Variants in LINGO2 observed in about 807,000 individuals in gnomAD.
LINGO2 encodes the protein leucine rich repeat and Ig domain containing 2.
Under a neutral mutation model 30.6 loss-of-function variants are expected in LINGO2, and 14 were observed. That is an observed-to-expected ratio of 0.46 (90% confidence interval 0.30 to 0.72). The LOEUF is 0.72. Among genes scored for constraint, LINGO2 ranks in the 30% least tolerant of loss-of-function variants. LINGO2 has a pLI of 0.07. For synonymous variants in LINGO2, 317 were observed against 288.5 expected (o/e 1.10, Z -1.00); for missense variants, 729 against 751.7 (o/e 0.97, Z 0.35).
intron 5 of LINGO2, among the ~76,000 whole-genome samples, chr9:27,972,486 A>T (rs889353752): frequency 4.6e-5 from 7 of 152,204 alleles, no homozygotes; most frequent in African/African-American, 1.7e-4. Context: ...CAACAACCTC[A>T]GTCCGTCATG....
chr9:28,597,888 C>T (rs985965824), intron 1 of LINGO2, among the ~76,000 whole-genome samples: 1 of 152,112 alleles, frequency 6.6e-6, no homozygotes, highest in Non-Finnish European at 1.5e-5. Context: ...CCTCAGCCTC[C>T]TGAGTAGCTG....
At chr9:28,863,991 G>T in the LINGO2 span, among the ~76,000 whole-genome samples, 3 of 151,938 alleles carry the variant, frequency 2.0e-5, no homozygotes, top group Non-Finnish European at 4.4e-5. Flanking sequence ...AAAAAACAGG[G>T]TTCTGCTCAT....
chr9:27,947,409 A>G (rs1186790391), downstream of LINGO2, among the ~76,000 whole-genome samples: 1 of 152,188 alleles, frequency 6.6e-6, no homozygotes, highest in African/African-American at 2.4e-5. Context: ...ACAACTTGAC[A>G]TATTTATGGG....
chr9:28,653,720 C>T lies in LINGO2; in HGVS notation c.-365+16480G>A, dbSNP rs118044838. Among the ~76,000 whole-genome samples, 391 of 152,222 alleles carry T rather than the reference C, an allele frequency of 2.6e-3. 2 individuals are homozygous for T. The highest frequency in any genetic ancestry group is 4.4e-3 in the Non-Finnish European group (298 of 68,006). ...CATACCTTCACAATGAACATTAGAG[C>T]TGAAATTCATCCAATATACACTGTA... On this transcript the variant is annotated intron_variant, in intron 1 of 5. Coordinates refer to ENST00000379992, the Ensembl canonical transcript of LINGO2.
intron 4 of LINGO2, among the ~76,000 whole-genome samples, chr9:28,077,273 G>C (rs1014115769): frequency 1.3e-5 from 2 of 152,062 alleles, no homozygotes; most frequent in African/African-American, 4.8e-5. Context: ...TAAGAGTTGA[G>C]TAAGGCCCAG....
At chr9:28,291,128 C>T (rs905789636) in intron 4 of LINGO2, among the ~76,000 whole-genome samples, 15 of 152,164 alleles carry the variant, frequency 9.9e-5, no homozygotes, top group Non-Finnish European at 2.1e-4. Flanking sequence ...CCCAGCTTAC[C>T]TATAGATATT....
the LINGO2 span, among the ~76,000 whole-genome samples, chr9:28,903,397 T>C: frequency 1.3e-5 from 2 of 152,174 alleles, no homozygotes; most frequent in Non-Finnish European, 2.9e-5. Flanking sequence ...TCTTCCATCA[T>C]AGAACAGCCC....
chr9:28,709,407 G>C, the LINGO2 span, among the ~76,000 whole-genome samples: 3 of 151,784 alleles, frequency 2.0e-5, no homozygotes, highest in South Asian at 6.2e-4. Context: ...GAGTAAGAAT[G>C]GTTTGTTGTT....
At chr9:28,623,164 T>A (rs936981202) in intron 1 of LINGO2, among the ~76,000 whole-genome samples, 14 of 152,122 alleles carry the variant, frequency 9.2e-5, no homozygotes, top group Non-Finnish European at 1.6e-4. Context: ...TGTTGATTGA[T>A]TCCTTTTTTG....
chr9:28,368,219 A>G (rs1031148148), intron 3 of LINGO2, among the ~76,000 whole-genome samples: 3 of 151,942 alleles, frequency 2.0e-5, no homozygotes, highest in Non-Finnish European at 4.4e-5. Flanking sequence ...ATGGTGTACA[A>G]TTCTCCCCTC....
the LINGO2 span, among the ~76,000 whole-genome samples, chr9:29,109,774 G>A: frequency 2.0e-5 from 3 of 152,316 alleles, no homozygotes; most frequent in East Asian, 5.8e-4. Context: ...CATTAGAGAA[G>A]TATTAGCTAA....
chr9:28,334,957 C>T (rs1825542735), intron 3 of LINGO2, among the ~76,000 whole-genome samples: 1 of 152,080 alleles, frequency 6.6e-6, no homozygotes, highest in African/African-American at 2.4e-5. Context: ...GTCAGAATTC[C>T]CTGCTAGGCC....
intron 5 of LINGO2, among the ~76,000 whole-genome samples, chr9:28,003,092 T>G (rs547370784): frequency 6.6e-6 from 1 of 152,258 alleles, no homozygotes; most frequent in Non-Finnish European, 1.5e-5. Context: ...AAAGTATATA[T>G]GATAATCACA....
chr9:28,438,827 C>CATATATATATATATATAT (rs200082723), intron 2 of LINGO2, among the ~76,000 whole-genome samples: 1 of 130,816 alleles, frequency 7.6e-6, no homozygotes, highest in African/African-American at 2.8e-5. Context: ...AAAATATATA[C>CATATATATATATATATAT]ATATATATAT....
At chr9:28,273,025 A>AT in intron 4 of LINGO2, among the ~76,000 whole-genome samples, 1 of 152,134 alleles carries the variant, frequency 6.6e-6, no homozygotes, top group Non-Finnish European at 1.5e-5. Context: ...GACCTTATGT[A>AT]TTTTTTAGTT....
intron 1 of LINGO2, among the ~76,000 whole-genome samples, chr9:28,658,489 A>G (rs937971543): frequency 6.6e-6 from 1 of 151,974 alleles, no homozygotes; most frequent in Non-Finnish European, 1.5e-5. Context: ...TCACTATATA[A>G]TGTCCTTCTT....
chr9:28,813,601 GGA>G, the LINGO2 span, among the ~76,000 whole-genome samples: 1 of 152,122 alleles, frequency 6.6e-6, no homozygotes, highest in Non-Finnish European at 1.5e-5. Context: ...GGCAAGCACA[GGA>G]GACACACATT....
At chr9:29,101,535 C>G in the LINGO2 span, among the ~76,000 whole-genome samples, 2 of 152,038 alleles carry the variant, frequency 1.3e-5, no homozygotes, top group Non-Finnish European at 2.9e-5. Flanking sequence ...AAATGGCTTC[C>G]CCTCCCCCGT....
intron 5 of LINGO2, among the ~76,000 whole-genome samples, chr9:27,990,698 A>G (rs1821357013): frequency 6.6e-6 from 1 of 152,046 alleles, no homozygotes; most frequent in South Asian, 2.1e-4. Context: ...GCATTGACCA[A>G]TGTAAGTGGA....
Sources: allele counts gnomAD v4.1 joint callset (sites outside exome capture counted in the v4.1 genomes callset), GRCh38; gene constraint gnomAD v4.1.1; transcripts MANE v1.5; gene names NCBI Gene and HGNC (gene_info 2026-07-23, HGNC 2026-07-21).